The following CLSTN2 variants were observed in gnomAD, a reference collection of about 807,000 sequenced individuals.
CLSTN2 encodes the protein calsyntenin 2, also known as calsyntenin-2.
In CLSTN2, 48 loss-of-function variants were observed where a neutral mutation model predicts 101.2. That is an observed-to-expected ratio of 0.47 (90% CI 0.38 to 0.60). The LOEUF (loss-of-function observed/expected upper bound fraction) is 0.60, where lower values mean the gene tolerates loss of function less well. Ranked by LOEUF, CLSTN2 falls within the 20% of genes least tolerant of loss-of-function variation. The probability of loss-of-function intolerance (pLI) is 0.00; values close to 1 mark genes in which losing one functional copy is unlikely to be tolerated. For synonymous variants in CLSTN2, 481 were observed against 463.6 expected, an observed-to-expected ratio of 1.04 and a Z score of -0.48; for missense variants, 1,160 against 1,238.2, an observed-to-expected ratio of 0.94 and a Z score of 0.95.
intron 2 of CLSTN2, among the ~76,000 whole-genome samples, chr3:140,257,400 G>A (rs1429446958): frequency 6.6e-6 from 1 of 152,144 alleles, no homozygotes; most frequent in African/African-American, 2.4e-5. Context: ...AAGTGATAGA[G>A]AAAAATTGGC....
chr3:140,208,783 C>T (rs150999158), intron 2 of CLSTN2, among the ~76,000 whole-genome samples: 1 of 152,214 alleles, frequency 6.6e-6, no homozygotes, highest in East Asian at 1.9e-4. Flanking sequence ...GTTTTTAATG[C>T]AGTTCTGCCA....
intron 1 of CLSTN2, among the ~76,000 whole-genome samples, chr3:140,076,695 G>A (rs2008499487): frequency 7.8e-6 from 1 of 127,600 alleles, no homozygotes; most frequent in Non-Finnish European, 1.6e-5. Context: ...GTCTTCCCTG[G>A]CCACCCTGGG....
chr3:140,364,286 C>G (rs2087760888), intron 2 of CLSTN2, among the ~76,000 whole-genome samples: 1 of 152,126 alleles, frequency 6.6e-6, no homozygotes, highest in Non-Finnish European at 1.5e-5. Flanking sequence ...GGCCCTTCTC[C>G]TTGCCCTTAA....
At chr3:140,233,396 C>A (rs1320757004) in intron 2 of CLSTN2, among the ~76,000 whole-genome samples, 2 of 152,166 alleles carry the variant, frequency 1.3e-5, no homozygotes, top group Non-Finnish European at 2.9e-5. Context: ...TGCAGCACCC[C>A]ATGGCTATCT....
chr3:140,394,879 A>G (rs2088162589), intron 2 of CLSTN2, among the ~76,000 whole-genome samples: 1 of 152,208 alleles, frequency 6.6e-6, no homozygotes, highest in African/African-American at 2.4e-5. Context: ...TGCTGAGTGA[A>G]TGAGTACAGT....
At chr3:140,335,280 A>C (rs1352729921) in intron 2 of CLSTN2, among the ~76,000 whole-genome samples, 1 of 152,224 alleles carries the variant, frequency 6.6e-6, no homozygotes, top group African/African-American at 2.4e-5. Flanking sequence ...AAGTGGAGTC[A>C]AGGCACAAAA....
chr3:139,983,195 G>A (rs1057501849), intron 1 of CLSTN2, among the ~76,000 whole-genome samples: 3 of 151,974 alleles, frequency 2.0e-5, no homozygotes, highest in South Asian at 4.2e-4. Flanking sequence ...CATATATTTC[G>A]ATTGGCGAAA....
chr3:140,455,673 A>C (rs911323015), intron 6 of CLSTN2, among the ~76,000 whole-genome samples: 14 of 152,082 alleles, frequency 9.2e-5, no homozygotes, highest in African/African-American at 3.4e-4. Flanking sequence ...TCTTAAATAC[A>C]CCCTGATGTG....
At chr3:140,518,093 T>C (rs1214730934) in intron 8 of CLSTN2, among the ~76,000 whole-genome samples, 1 of 152,084 alleles carries the variant, frequency 6.6e-6, no homozygotes, top group Non-Finnish European at 1.5e-5. Flanking sequence ...AGCCAGCACT[T>C]ACAGTCCTCA....
At chr3:140,241,824 T>TATATAC (rs1439436408) in intron 2 of CLSTN2, among the ~76,000 whole-genome samples, 1 of 147,224 alleles carries the variant, frequency 6.8e-6, no homozygotes, top group Admixed American at 6.8e-5. Context: ...TATATATATA[T>TATATAC]ACACACACAT....
chr3:140,563,115 G>A lies in CLSTN2; in HGVS notation c.2394G>A (p.Lys798=), dbSNP rs752195348. 5.6e-6 allele frequency: 9 copies of A among 1,614,102 alleles called. No individual in the cohort carries two copies. Among genetic ancestry groups the A allele is most frequent in the Non-Finnish European group, 6.8e-6 (8 of 1,179,976 alleles). ...SILHEDQVSD[K]EHVNHLIVQP... is the part of the protein sequence containing the mutation. Reference sequence around the variant, plus strand: ...TTCATGAAGACCAAGTCTCAGATAAGGAGCATGTCAATCATCTGATTGTGC... The same window carrying A: ...TTCATGAAGACCAAGTCTCAGATAAAGAGCATGTCAATCATCTGATTGTGC... Residue 798 remains lysine, a synonymous_variant, in exon 15 of 17, where the codon AAG becomes AAA. Transcript: ENST00000458420.
intron 1 of CLSTN2, among the ~76,000 whole-genome samples, chr3:140,028,361 A>C (rs541426756): frequency 6.6e-6 from 1 of 152,124 alleles, no homozygotes; most frequent in Non-Finnish European, 1.5e-5. Flanking sequence ...CCTTTTGCAC[A>C]TGAGAGAAGT....
At chr3:140,102,672 G>T (rs1388785319) in intron 1 of CLSTN2, among the ~76,000 whole-genome samples, 1 of 152,200 alleles carries the variant, frequency 6.6e-6, no homozygotes, top group Non-Finnish European at 1.5e-5. Context: ...TAATGATACT[G>T]GTATGAGAGG....
intron 1 of CLSTN2, among the ~76,000 whole-genome samples, chr3:140,137,421 A>G (rs182568342): frequency 3.3e-5 from 5 of 152,276 alleles, no homozygotes; most frequent in Admixed American, 2.0e-4. Context: ...TTCTTGGACC[A>G]CAAACTAGAC....
chr3:140,370,437 A>G (rs1559851051), intron 2 of CLSTN2, among the ~76,000 whole-genome samples: 1 of 151,886 alleles, frequency 6.6e-6, no homozygotes, highest in Non-Finnish European at 1.5e-5. Flanking sequence ...CACGCAACAC[A>G]GCGTCTGGCA....
intron 1 of CLSTN2, among the ~76,000 whole-genome samples, chr3:140,038,048 T>G (rs1261820252): frequency 6.6e-6 from 1 of 152,164 alleles, no homozygotes; most frequent in East Asian, 1.9e-4. Context: ...TTATATTCCT[T>G]TGGGTATATA....
intron 1 of CLSTN2, among the ~76,000 whole-genome samples, chr3:140,099,961 A>G (rs2008937487): frequency 6.6e-6 from 1 of 152,148 alleles, no homozygotes; most frequent in Admixed American, 6.5e-5. Flanking sequence ...GTGGGTAATC[A>G]GGTGTTGCAG....
chr3:140,419,583 G>T (rs1254621467), intron 4 of CLSTN2, among the ~76,000 whole-genome samples: 1 of 53,330 alleles, frequency 1.9e-5, no homozygotes, highest in Non-Finnish European at 2.9e-5. Context: ...ACATATATAC[G>T]TGTACGTATA....
At chr3:140,190,582 A>G (rs1242155709) in intron 2 of CLSTN2, among the ~76,000 whole-genome samples, 1 of 151,604 alleles carries the variant, frequency 6.6e-6, no homozygotes, top group African/African-American at 2.4e-5. Context: ...ATGTGTTTAC[A>G]TTTCTTTTCT....
Sources: gnomAD v4.1 joint callset for allele counts (sites outside exome capture counted in the v4.1 genomes callset) on GRCh38, gnomAD v4.1.1 for gene constraint, MANE v1.5 for transcripts, NCBI Gene and HGNC (gene_info 2026-07-23, HGNC 2026-07-21) for gene names.